The following LRMDA variants were observed in gnomAD, a reference collection of about 807,000 sequenced individuals.
LRMDA encodes the protein leucine rich melanocyte differentiation associated, also known as leucine-rich melanocyte differentiation-associated protein.
Under a neutral mutation model 29.8 loss-of-function variants are expected in LRMDA, and 18 were observed. That is an observed-to-expected ratio of 0.60 (90% CI 0.42 to 0.90). The LOEUF is 0.90. Ranked by LOEUF, LRMDA falls within the 40% of genes least tolerant of loss-of-function variation. The pLI, the probability that LRMDA is intolerant of heterozygous loss-of-function variation, is 0.00. For synonymous variants in LRMDA, 125 were observed against 109.4 expected (o/e 1.14, Z -0.89); for missense variants, 273 against 273.9 (o/e 1.00, Z 0.02).
intron 6 of LRMDA, among the ~76,000 whole-genome samples, chr10:76,403,024 C>A (rs1841865559): frequency 1.3e-5 from 2 of 151,758 alleles, no homozygotes; most frequent in African/African-American, 4.8e-5. Flanking sequence ...CCTTATGGCC[C>A]AAACTGGAGC....
intron 2 of LRMDA, among the ~76,000 whole-genome samples, chr10:75,646,893 A>T (rs1474743333): frequency 6.6e-6 from 1 of 152,228 alleles, no homozygotes; most frequent in Non-Finnish European, 1.5e-5. Context: ...AAGTGTAATT[A>T]TACAGCCGTA....
chr10:76,469,811 C>T (rs753688917), intron 6 of LRMDA, among the ~76,000 whole-genome samples: 3 of 152,048 alleles, frequency 2.0e-5, no homozygotes, highest in Non-Finnish European at 4.4e-5. Flanking sequence ...AAAGGACTAG[C>T]CTCAAAAACT....
At chr10:76,069,974 C>T (rs928102469) in intron 5 of LRMDA, among the ~76,000 whole-genome samples, 2 of 152,174 alleles carry the variant, frequency 1.3e-5, no homozygotes, top group African/African-American at 4.8e-5. Context: ...GGGGACTGGG[C>T]CCACTCCAAG....
chr10:76,013,612 A>G (rs1478272734), intron 2 of LRMDA, among the ~76,000 whole-genome samples: 1 of 152,028 alleles, frequency 6.6e-6, no homozygotes, highest in East Asian at 1.9e-4. Flanking sequence ...AGAAAGCTCC[A>G]CTTACTGGGT....
chr10:75,791,767 G>A (rs188537069), intron 2 of LRMDA, among the ~76,000 whole-genome samples: 108 of 151,958 alleles, frequency 7.1e-4, no homozygotes, highest in African/African-American at 2.6e-3. Context: ...CAGGAAAAAG[G>A]TATATATGGT....
chr10:75,738,630 A>T (rs1479845126), intron 2 of LRMDA, among the ~76,000 whole-genome samples: 1 of 152,114 alleles, frequency 6.6e-6, no homozygotes, highest in Non-Finnish European at 1.5e-5. Flanking sequence ...GTGCCGTGTG[A>T]GATGCTAAGT....
intron 2 of LRMDA, among the ~76,000 whole-genome samples, chr10:75,783,461 C>G (rs1303654880): frequency 7.2e-6 from 1 of 139,770 alleles, no homozygotes; most frequent in East Asian, 2.0e-4. Flanking sequence ...ACCAGTAAAT[C>G]TGTAAAGACT....
chr10:75,915,198 C>T (rs1338203301), intron 2 of LRMDA, among the ~76,000 whole-genome samples: 2 of 124,824 alleles, frequency 1.6e-5, no homozygotes, highest in Admixed American at 2.1e-4. Flanking sequence ...GTGGCATGAT[C>T]GTGATCTCAG....
intron 5 of LRMDA, among the ~76,000 whole-genome samples, chr10:76,303,864 G>A (rs376865427): frequency 7.2e-5 from 11 of 151,978 alleles, no homozygotes; most frequent in African/African-American, 1.2e-4. Flanking sequence ...TAACACGCTC[G>A]CTTTCATCTG....
At chr10:75,731,979 A>G (rs938629190) in intron 2 of LRMDA, among the ~76,000 whole-genome samples, 4 of 152,216 alleles carry the variant, frequency 2.6e-5, no homozygotes, top group Non-Finnish European at 4.4e-5. Flanking sequence ...CCTTTGGATT[A>G]TCTGCATTTT....
At chr10:75,918,810 C>T (rs963768042) in intron 2 of LRMDA, among the ~76,000 whole-genome samples, 1 of 152,052 alleles carries the variant, frequency 6.6e-6, no homozygotes, top group African/African-American at 2.4e-5. Context: ...GGGAACCTGC[C>T]CCATTCTTGC....
At chr10:76,141,602 A>T (rs924903546) in intron 5 of LRMDA, among the ~76,000 whole-genome samples, 6 of 152,228 alleles carry the variant, frequency 3.9e-5, no homozygotes, top group Non-Finnish European at 8.8e-5. Context: ...TAGTTGAAAG[A>T]TCAGTTCCAT....
intron 2 of LRMDA, among the ~76,000 whole-genome samples, chr10:75,730,491 G>T (rs553479171): frequency 4.6e-5 from 7 of 152,280 alleles, no homozygotes; most frequent in Admixed American, 1.3e-4. Context: ...AGATTTCCCA[G>T]CTTACTGATG....
chr10:75,459,297 A>G (rs920398075), intron 2 of LRMDA, among the ~76,000 whole-genome samples: 1 of 152,288 alleles, frequency 6.6e-6, no homozygotes, highest in African/African-American at 2.4e-5. Flanking sequence ...TTAGCCAGGC[A>G]TGGTGGCACA....
chr10:75,816,286 G>A (rs1390722363), intron 2 of LRMDA, among the ~76,000 whole-genome samples: 1 of 152,170 alleles, frequency 6.6e-6, no homozygotes, highest in Non-Finnish European at 1.5e-5. Flanking sequence ...CGTCAGAGAG[G>A]AGGTCTAGAA....
chr10:75,677,225 A>C (rs148360866), intron 2 of LRMDA, among the ~76,000 whole-genome samples: 1 of 152,310 alleles, frequency 6.6e-6, no homozygotes, highest in African/African-American at 2.4e-5. Flanking sequence ...TAATGACTTA[A>C]TTTATAGACT....
intron 2 of LRMDA, among the ~76,000 whole-genome samples, chr10:75,958,063 C>G (rs1846695075): frequency 6.6e-6 from 1 of 152,138 alleles, no homozygotes; most frequent in African/African-American, 2.4e-5. Context: ...AAACTGAAAA[C>G]TGTAGCCTGT....
chr10:76,486,447 C>T (rs184103953), intron 6 of LRMDA, among the ~76,000 whole-genome samples: 134 of 151,966 alleles, frequency 8.8e-4, no homozygotes, highest in African/African-American at 2.9e-3. Flanking sequence ...CTGTGCTGCA[C>T]GTACATAGGT....
chr10:76,377,499 T>G (rs112793746), intron 6 of LRMDA, among the ~76,000 whole-genome samples: 65 of 152,346 alleles, frequency 4.3e-4, no homozygotes, highest in South Asian at 4.1e-4. Flanking sequence ...TTGCTAAGTT[T>G]TCTTCTAGGG....
Sources: allele counts gnomAD v4.1 joint callset (sites outside exome capture counted in the v4.1 genomes callset), GRCh38; gene constraint gnomAD v4.1.1; transcripts MANE v1.5; gene names NCBI Gene and HGNC (gene_info 2026-07-23, HGNC 2026-07-21).